The following OTOA variants were observed in gnomAD, a reference collection of about 807,000 sequenced individuals.
OTOA encodes the protein otoancorin, also known as cancer/testis antigen 108.
In OTOA, 70 loss-of-function variants were observed where a neutral mutation model predicts 110.8. That is an observed-to-expected ratio of 0.63 (90% CI 0.52 to 0.77). OTOA has a LOEUF of 0.77. Ranked by LOEUF, OTOA falls within the 30% of genes least tolerant of loss-of-function variation. OTOA has a pLI of 0.00. For synonymous variants in OTOA, 373 were observed against 431.5 expected, an observed-to-expected ratio of 0.86 and a Z score of 1.68; for missense variants, 917 against 1,075.8, an observed-to-expected ratio of 0.85 and a Z score of 2.06.
chr16:21,726,804 C>A, intron 19 of OTOA, 146 bp downstream of exon 19: 2 of 1,174,778 alleles, frequency 1.7e-6, no homozygotes, highest in Non-Finnish European at 2.5e-6. Flanking sequence ...TCTAAAGTTG[C>A]TGGTTGGAAC....
chr16:21,723,145 T>C (rs1898811494), intron 18 of OTOA, among the ~76,000 whole-genome samples, 167 bp downstream of exon 18: 2 of 152,174 alleles, frequency 1.3e-5, no homozygotes, highest in Non-Finnish European at 2.9e-5. Flanking sequence ...ATTCTGAGTA[T>C]CACACAGACA....
At chr16:21,706,101 GA>G (rs976852082) in intron 12 of OTOA, among the ~76,000 whole-genome samples, 3 of 87,980 alleles carry the variant, frequency 3.4e-5, no homozygotes, top group African/African-American at 1.3e-4. Context: ...AAAAAGAACA[GA>G]AAAGAAAAGA....
At chr16:21,688,579 T>C (rs1897765535) in intron 8 of OTOA, among the ~76,000 whole-genome samples, 3 of 152,120 alleles carry the variant, frequency 2.0e-5, no homozygotes. Context: ...TTTCTCATGG[T>C]TCTGGAGGCT....
At chr16:21,756,581 A>G (rs536992875) in intron 27 of OTOA, among the ~76,000 whole-genome samples, 2 of 152,196 alleles carry the variant, frequency 1.3e-5, no homozygotes, top group African/African-American at 4.8e-5. Context: ...GACTTGAAGC[A>G]CTGGGAAGCT....
intron 1 of OTOA, among the ~76,000 whole-genome samples, chr16:21,677,415 T>TTA (rs1966860425): frequency 6.6e-6 from 1 of 152,094 alleles, no homozygotes; most frequent in African/African-American, 2.4e-5. Context: ...TTAGCTAATG[T>TTA]GATAATCATT....
intron 8 of OTOA, among the ~76,000 whole-genome samples, chr16:21,690,129 G>T (rs1236733855): frequency 6.6e-6 from 1 of 152,166 alleles, no homozygotes; most frequent in Non-Finnish European, 1.5e-5. Context: ...GTTTAGCTGT[G>T]AAGGGGAAGA....
At position 21,678,444 on chromosome 16, in the gene OTOA, G is replaced by A. The variant is rs904763445; in HGVS notation, c.-4-67G>A. Reference sequence around the variant, plus strand: ...TATGTTTATATACATGTATATATATGTGTGTGTGTGTATATATATATATAT... The same window carrying A: ...TATGTTTATATACATGTATATATATATGTGTGTGTGTATATATATATATAT... On this transcript the variant is annotated intron_variant, in intron 1 of 28. Transcript: ENST00000646100. The A allele has an allele frequency of 1.9e-4, 169 of 884,050 alleles. 1 individual carries two copies. Among genetic ancestry groups the A allele is most frequent in the Admixed American group, 6.4e-4 (29 of 45,500 alleles). The allele number at this position is 884,050 out of a possible 1,614,324, so 54.8% of individuals were successfully genotyped here.
intron 21 of OTOA, among the ~76,000 whole-genome samples, chr16:21,734,778 A>C (rs1899232558): frequency 1.3e-5 from 2 of 152,084 alleles, no homozygotes; most frequent in South Asian, 4.1e-4. Flanking sequence ...CAGAGCTTGC[A>C]GTGAGCCGAG....
At chr16:21,677,507 A>G (rs1191194426) in intron 1 of OTOA, among the ~76,000 whole-genome samples, 5 of 111,930 alleles carry the variant, frequency 4.5e-5, no homozygotes, top group Admixed American at 1.2e-4. Context: ...TTTGAGACGG[A>G]GTCTTGCTCT....
intron 6 of OTOA, among the ~76,000 whole-genome samples, chr16:21,684,209 T>A (rs2141657502): frequency 6.6e-6 from 1 of 152,304 alleles, no homozygotes; most frequent in East Asian, 1.9e-4. Context: ...CCTAGTTAAG[T>A]AACTCGTCCA....
intron 6 of OTOA, among the ~76,000 whole-genome samples, chr16:21,683,406 G>A (rs1966932032): frequency 6.6e-6 from 1 of 152,134 alleles, no homozygotes; most frequent in Non-Finnish European, 1.5e-5. Flanking sequence ...TAAAAATACA[G>A]ATGTGACTCT....
rs992831580 is a variant in OTOA, at chr16:21,678,605, G to A, written c.91G>A (p.Asp31Asn). 1 of 1,612,888 alleles carries A rather than the reference G, an allele frequency of 6.2e-7. No homozygotes were observed. The highest frequency in any genetic ancestry group is 8.5e-7 in the Non-Finnish European group (1 of 1,179,028). Residue 31 changes from aspartate to asparagine, a missense_variant and splice_region_variant, in exon 2 of 29, where the codon GAT becomes AAT. This residue lies in a region of OTOA where 840 missense variants were observed against 910.2 expected (regional missense o/e 0.92). Coordinates refer to ENST00000646100, the MANE Select transcript of OTOA (RefSeq NM_144672.4). ...SSYTVPNSRQ[D>N]LHPLLQNMAE... is the part of the protein sequence containing the mutation. The stretch of plus-strand genomic sequence containing the variant: ...TTATACAGTGCCAAATTCCAGGCAG[G>A]GTAAGTCCTGAGGGAAGAATCACCC...
chr16:21,686,685 T>C (rs1368106228), intron 7 of OTOA, among the ~76,000 whole-genome samples: 1 of 151,988 alleles, frequency 6.6e-6, no homozygotes. Context: ...GCAGATTGCT[T>C]GAGCCCAGTA....
At chr16:21,700,166 G>A (rs775303936) in intron 10 of OTOA, among the ~76,000 whole-genome samples, 6 of 152,018 alleles carry the variant, frequency 3.9e-5, no homozygotes, top group Non-Finnish European at 8.8e-5. Flanking sequence ...ACCAAACTTT[G>A]TGTCTTACAA....
At chr16:21,671,635 T>G in intron 1 of OTOA, among the ~76,000 whole-genome samples, 1 of 137,160 alleles carries the variant, frequency 7.3e-6, no homozygotes, top group Non-Finnish European at 1.6e-5. Context: ...AAGAAAGAAA[T>G]ATGTCCAACA....
intron 17 of OTOA, 130 bp downstream of exon 17, chr16:21,719,634 G>C: frequency 1.1e-6 from 1 of 904,938 alleles, no homozygotes; most frequent in Admixed American, 1.7e-5. Flanking sequence ...TAGGGCCAAA[G>C]ATTGAGCCAG....
At chr16:21,757,790 G>A (rs1263237637) in intron 28 of OTOA, among the ~76,000 whole-genome samples, 1 of 151,894 alleles carries the variant, frequency 6.6e-6, no homozygotes, top group Admixed American at 6.6e-5. Flanking sequence ...GTTAATTTTT[G>A]TATTTTTAGT....
rs71151648 is a variant in OTOA at position 21,695,866 on chromosome 16, G to GATATATATATATAT, written c.740-1896_740-1883dup. 1.1e-3 allele frequency among the ~76,000 whole-genome samples: 78 copies of GATATATATATATAT among 72,664 alleles called. 4 individuals are homozygous for GATATATATATATAT. Among genetic ancestry groups the GATATATATATATAT allele is most frequent in the Admixed American group, 1.9e-3 (9 of 4,782 alleles). The allele number at this position is 72,664 out of a possible 152,430, so 47.7% of individuals were successfully genotyped here. The stretch of plus-strand genomic sequence containing the variant: ...ACTTGAAGTCTGATCCTAGACTTGA[G>GATATATATATATAT]ATATATATATATATATATATATATA... On this transcript the variant is annotated intron_variant, in intron 9 of 28. Transcript: ENST00000646100.
chr16:21,720,896 CATT>C lies in OTOA; in HGVS notation c.1806+1416_1806+1418del, dbSNP rs57835405. 8.4e-3 allele frequency among the ~76,000 whole-genome samples: 1,231 copies of C among 147,188 alleles called. 27 individuals are homozygous for C. The highest frequency in any genetic ancestry group is 0.046 in the East Asian group (231 of 5,058). ...TCTCGTTTATATTTTTACTAAAACA[CATT>C]ATTATTATTATTATTATTATTATCA... On this transcript the variant is annotated intron_variant, in intron 17 of 28. Coordinates refer to ENST00000646100, the MANE Select transcript of OTOA (RefSeq NM_144672.4).
Sources: gnomAD v4.1 joint callset for allele counts (sites outside exome capture counted in the v4.1 genomes callset) on GRCh38, gnomAD v4.1.1 for gene constraint, gnomAD v4.1.1 regional missense constraint, MANE v1.5 for transcripts, NCBI Gene and HGNC (gene_info 2026-07-23, HGNC 2026-07-21) for gene names.